Variants in NCALD observed in about 807,000 individuals in gnomAD.
NCALD encodes neurocalcin delta.
Under a neutral mutation model 18.6 loss-of-function variants are expected in NCALD, and 10 were observed. The ratio of observed to expected loss-of-function variants is 0.54; its 90% CI spans 0.33 to 0.91. NCALD has a LOEUF of 0.91. NCALD is among the 40% of genes least tolerant of loss of function. NCALD has a pLI of 0.03. For synonymous variants in NCALD, 88 were observed against 87.4 expected (o/e 1.01, Z -0.04); for missense variants, 184 against 247.6 (o/e 0.74, Z 1.72).
intron 2 of NCALD, among the ~76,000 whole-genome samples, chr8:101,946,809 C>CAAAAAAAA (rs71268537): frequency 3.0e-5 from 2 of 65,662 alleles, no homozygotes; most frequent in African/African-American, 1.2e-4. Flanking sequence ...CATCAATTAG[C>CAAAAAAAA]AAAAAAAAAA....
At chr8:101,847,786 A>G (rs772619484) in intron 4 of NCALD, among the ~76,000 whole-genome samples, 7 of 152,212 alleles carry the variant, frequency 4.6e-5, no homozygotes, top group African/African-American at 9.7e-5. Flanking sequence ...TATGGCAGCC[A>G]GAACACCTCC....
intron 1 of NCALD, among the ~76,000 whole-genome samples, chr8:101,737,007 C>A (rs1018739198): frequency 1.3e-5 from 2 of 152,034 alleles, no homozygotes; most frequent in Admixed American, 1.3e-4. Flanking sequence ...CAGCTTTTCA[C>A]AAGAATGTAA....
At chr8:101,945,396 T>C (rs1274401566) in intron 2 of NCALD, among the ~76,000 whole-genome samples, 1 of 151,972 alleles carries the variant, frequency 6.6e-6, no homozygotes, top group Non-Finnish European at 1.5e-5. Flanking sequence ...AGTAAACAAG[T>C]AAAGCAAACA....
intron 3 of NCALD, among the ~76,000 whole-genome samples, chr8:101,907,621 T>C (rs1586736089): frequency 6.6e-6 from 1 of 152,184 alleles, no homozygotes; most frequent in South Asian, 2.1e-4. Flanking sequence ...GAACTTTGTA[T>C]CCCTCATTTC....
chr8:101,826,112 AT>A (rs1017439735), intron 4 of NCALD, among the ~76,000 whole-genome samples: 13 of 152,084 alleles, frequency 8.5e-5, no homozygotes, highest in Non-Finnish European at 1.6e-4. Context: ...GTGATACAAT[AT>A]TGCCATGGTT....
chr8:101,740,854 C>T (rs1374786771), intron 1 of NCALD, among the ~76,000 whole-genome samples: 1 of 152,120 alleles, frequency 6.6e-6, no homozygotes, highest in African/African-American at 2.4e-5. Flanking sequence ...CCATCCATCC[C>T]CCTTCCCAGC....
chr8:101,849,525 T>A (rs1017423283), intron 4 of NCALD, among the ~76,000 whole-genome samples: 4 of 152,140 alleles, frequency 2.6e-5, no homozygotes, highest in Non-Finnish European at 5.9e-5. Flanking sequence ...CCATTATTCC[T>A]AATGTCACTC....
At chr8:101,793,155 C>A (rs1812508097), upstream of NCALD, among the ~76,000 whole-genome samples, 1 of 151,950 alleles carries the variant, frequency 6.6e-6, no homozygotes, top group Non-Finnish European at 1.5e-5. Flanking sequence ...TCAAGACCAT[C>A]CTGGCTAACA....
At chr8:101,873,425 G>A (rs1165285637) in intron 4 of NCALD, among the ~76,000 whole-genome samples, 1 of 152,154 alleles carries the variant, frequency 6.6e-6, no homozygotes. Context: ...CAGTTTTAGT[G>A]GTGCATAGTT....
intron 1 of NCALD, among the ~76,000 whole-genome samples, chr8:102,117,501 G>A (rs1002282035): frequency 6.6e-6 from 1 of 152,100 alleles, no homozygotes; most frequent in Non-Finnish European, 1.5e-5. Context: ...GGGCAGCACA[G>A]AGGGAACGAT....
intron 1 of NCALD, among the ~76,000 whole-genome samples, chr8:101,742,637 T>C (rs937958682): frequency 6.6e-5 from 10 of 152,176 alleles, no homozygotes; most frequent in Non-Finnish European, 1.0e-4. Context: ...TATAGTTTGA[T>C]AAACTGATCC....
chr8:101,754,101 G>T (rs1408059483), intron 1 of NCALD, among the ~76,000 whole-genome samples: 1 of 152,032 alleles, frequency 6.6e-6, no homozygotes, highest in Non-Finnish European at 1.5e-5. Context: ...AGCCCTGGGG[G>T]GTGTGTCGAC....
At chr8:101,982,711 C>T (rs1372821577) in intron 2 of NCALD, among the ~76,000 whole-genome samples, 1 of 151,944 alleles carries the variant, frequency 6.6e-6, no homozygotes, top group African/African-American at 2.4e-5. Flanking sequence ...TGTGGTGGCA[C>T]ACGCCTGTAG....
chr8:101,872,067 C>A, intron 4 of NCALD: 6 of 1,436,922 alleles, frequency 4.2e-6, no homozygotes, highest in Non-Finnish European at 4.9e-6. Flanking sequence ...TGGGCAGATT[C>A]CTATCAGGAT....
At chr8:101,706,637 A>G (rs1245192284) in intron 2 of NCALD, among the ~76,000 whole-genome samples, 1 of 152,230 alleles carries the variant, frequency 6.6e-6, no homozygotes, top group Non-Finnish European at 1.5e-5. Flanking sequence ...TGAGATCATC[A>G]CGAATTTGAG....
intron 2 of NCALD, among the ~76,000 whole-genome samples, chr8:101,978,478 CAACTGAGGA>C (rs1182889128): frequency 6.6e-6 from 1 of 152,188 alleles, no homozygotes; most frequent in East Asian, 1.9e-4. Context: ...CCACATTATA[CAACTGAGGA>C]AACTGAAGCA....
At chr8:101,925,764 G>T (rs1818315488) in intron 2 of NCALD, among the ~76,000 whole-genome samples, 1 of 152,086 alleles carries the variant, frequency 6.6e-6, no homozygotes, top group Admixed American at 6.5e-5. Context: ...TATAAAAGAA[G>T]CTTCACACAG....
rs548632999 is a variant in NCALD at position 102,108,889 on chromosome 8, A to G, written c.-210+15348T>C. Among the ~76,000 whole-genome samples, 266 of 152,334 alleles carry G rather than the reference A, an allele frequency of 1.7e-3. 1 individual carries two copies. The highest frequency in any genetic ancestry group is 1.8e-3 in the Non-Finnish European group (124 of 68,026). ...ATCAGAAGGACGACCAGAAAAACAG[A>G]CAGAATTACATAATATAATGAACTA... On this transcript the variant is annotated intron_variant, in intron 1 of 6. Coordinates refer to the NCALD transcript ENST00000311028.
Position 101,722,263 on chromosome 8 carries a change from T to A in NCALD, c.-19-2615A>T, listed in dbSNP as rs529803478. Among the ~76,000 whole-genome samples, 4 of 152,270 alleles carry A rather than the reference T, an allele frequency of 2.6e-5. No individual in the cohort carries two copies. In the East Asian group the frequency reaches 7.7e-4, roughly 29 times the overall value. ...TATCTTTCACTTCCCTCTGTGTCCTTTTTTTCCCCTGGAGATTAAAAAAAC... is the reference window on the plus strand; with the variant it reads ...TATCTTTCACTTCCCTCTGTGTCCTATTTTTCCCCTGGAGATTAAAAAAAC... On this transcript the variant is annotated intron_variant, in intron 1 of 3. Coordinates refer to ENST00000220931, the MANE Select transcript of NCALD (RefSeq NM_032041.3).
Sources: allele counts gnomAD v4.1 joint callset (sites outside exome capture counted in the v4.1 genomes callset), GRCh38; gene constraint gnomAD v4.1.1; transcripts MANE v1.5; gene names NCBI Gene and HGNC (gene_info 2026-07-23, HGNC 2026-07-21).